Variants in CDH13 observed in about 807,000 individuals in gnomAD.
The protein encoded by CDH13 is cadherin 13, also known as cadherin-13.
Under a neutral mutation model 63.8 loss-of-function variants are expected in CDH13, and 24 were observed. That is an observed-to-expected ratio of 0.38 (90% CI 0.27 to 0.53). The LOEUF (loss-of-function observed/expected upper bound fraction) is 0.53. Among genes scored for constraint, CDH13 ranks in the 20% least tolerant of loss-of-function variants. CDH13 has a pLI of 0.85. For synonymous variants in CDH13, 503 were observed against 355.3 expected (o/e 1.42, Z -4.67); for missense variants, 1,049 against 903.1 (o/e 1.16, Z -2.07).
In CDH13 at chr16:83,186,195, C is replaced by T. The variant is rs138651134; in HGVS notation, c.484-31150C>T. ...ATGTCACCAGGCTGGAGTGCAGTGG[C>T]GTGATCTCGGATCACTGCAGCCAAC... On this transcript the variant is annotated intron_variant, in intron 4 of 13. Coordinates refer to ENST00000567109, the MANE Select transcript of CDH13 (RefSeq NM_001257.5). Among the ~76,000 whole-genome samples the T allele has an allele frequency of 9.9e-3, 1,487 of 149,948 alleles. 27 individuals are homozygous for T. Among genetic ancestry groups the T allele is most frequent in the African/African-American group, 0.035 (1,419 of 40,828 alleles).
At chr16:82,699,526 A>G (rs1567640461) in intron 1 of CDH13, among the ~76,000 whole-genome samples, 4 of 152,156 alleles carry the variant, frequency 2.6e-5, no homozygotes, top group African/African-American at 9.7e-5. Flanking sequence ...GCCACCCTTA[A>G]TGCGTGTCAT....
At chr16:83,023,417 C>A (rs567751214) in intron 2 of CDH13, among the ~76,000 whole-genome samples, 4 of 151,952 alleles carry the variant, frequency 2.6e-5, no homozygotes, top group South Asian at 2.1e-4. Context: ...ATATTTTTTG[C>A]CTTCCAGAAG....
chr16:83,243,155 A>G (rs1355082023), intron 5 of CDH13, among the ~76,000 whole-genome samples: 3 of 152,154 alleles, frequency 2.0e-5, no homozygotes, highest in Admixed American at 1.3e-4. Context: ...GCCTCGTACC[A>G]GGGCCTCGAG....
chr16:83,288,641 C>T (rs1271583773), intron 5 of CDH13, among the ~76,000 whole-genome samples: 1 of 152,096 alleles, frequency 6.6e-6, no homozygotes, highest in Admixed American at 6.5e-5. Context: ...AGCTTGTGTC[C>T]CCAAGACTTG....
At chr16:82,662,808 A>AT (rs1486255304) in intron 1 of CDH13, among the ~76,000 whole-genome samples, 1 of 152,142 alleles carries the variant, frequency 6.6e-6, no homozygotes, top group Non-Finnish European at 1.5e-5. Flanking sequence ...CTTCTCTGCC[A>AT]TTTAGAAGAT....
intron 6 of CDH13, among the ~76,000 whole-genome samples, chr16:83,376,982 T>C (rs867204496): frequency 1.3e-5 from 2 of 152,042 alleles, no homozygotes; most frequent in Non-Finnish European, 2.9e-5. Context: ...GAAAGGGCCT[T>C]GAAGGATGAC....
chr16:82,982,869 A>G (rs1400661340), intron 2 of CDH13, among the ~76,000 whole-genome samples: 1 of 152,180 alleles, frequency 6.6e-6, no homozygotes, highest in African/African-American at 2.4e-5. Flanking sequence ...TTTCAGTGAG[A>G]AGAAGTAAAT....
chr16:83,394,264 A>C (rs895073674), intron 6 of CDH13, among the ~76,000 whole-genome samples: 1 of 152,176 alleles, frequency 6.6e-6, no homozygotes, highest in African/African-American at 2.4e-5. Context: ...AAAAAAACAA[A>C]AAAGAGTGAA....
intron 11 of CDH13, among the ~76,000 whole-genome samples, chr16:83,770,716 G>A (rs913636296): frequency 1.2e-4 from 18 of 152,182 alleles, no homozygotes; most frequent in Admixed American, 2.0e-4. Context: ...CATGGCATTT[G>A]TAAACTGTCA....
intron 6 of CDH13, among the ~76,000 whole-genome samples, chr16:83,413,461 C>T (rs1363504571): frequency 3.9e-5 from 6 of 152,328 alleles, no homozygotes; most frequent in Non-Finnish European, 7.3e-5. Flanking sequence ...AACTAATCAT[C>T]CCTTTGCTGA....
At chr16:82,649,013 G>A (rs1567589005) in intron 1 of CDH13, among the ~76,000 whole-genome samples, 1 of 152,086 alleles carries the variant, frequency 6.6e-6, no homozygotes, top group Admixed American at 6.6e-5. Flanking sequence ...AGAGAAAAGT[G>A]CCAGAAATGA....
At chr16:83,431,930 T>A (rs1038924132) in intron 6 of CDH13, among the ~76,000 whole-genome samples, 2 of 152,186 alleles carry the variant, frequency 1.3e-5, no homozygotes, top group Non-Finnish European at 2.9e-5. Context: ...CAGTGATACA[T>A]ACGGCCATTG....
At chr16:83,393,221 C>T (rs2091822264) in intron 6 of CDH13, among the ~76,000 whole-genome samples, 1 of 152,090 alleles carries the variant, frequency 6.6e-6, no homozygotes, top group African/African-American at 2.4e-5. Context: ...GAAATGCCAC[C>T]TTTGGGTGGG....
At chr16:83,326,448 T>C (rs936525514) in intron 5 of CDH13, among the ~76,000 whole-genome samples, 7 of 151,994 alleles carry the variant, frequency 4.6e-5, no homozygotes, top group African/African-American at 1.2e-4. Flanking sequence ...TTTTTAACTT[T>C]TGAATGAGAA....
At chr16:83,040,547 G>C (rs1917243266) in intron 3 of CDH13, among the ~76,000 whole-genome samples, 1 of 152,150 alleles carries the variant, frequency 6.6e-6, no homozygotes, top group Non-Finnish European at 1.5e-5. Flanking sequence ...TCCAACATGG[G>C]AGAAAGATGG....
At chr16:83,194,407 A>G (rs1234202651) in intron 4 of CDH13, among the ~76,000 whole-genome samples, 1 of 152,206 alleles carries the variant, frequency 6.6e-6, no homozygotes, top group Non-Finnish European at 1.5e-5. Flanking sequence ...CTGTCTCCCC[A>G]TGGAATGCTG....
intron 1 of CDH13, among the ~76,000 whole-genome samples, chr16:82,856,249 G>C (rs1243552142): frequency 6.6e-6 from 1 of 151,566 alleles, no homozygotes; most frequent in African/African-American, 2.4e-5. Context: ...GGTGGCGGGC[G>C]CCTGTAGTCC....
At chr16:83,132,605 A>G (rs2036107128) in intron 4 of CDH13, among the ~76,000 whole-genome samples, 1 of 151,806 alleles carries the variant, frequency 6.6e-6, no homozygotes, top group Non-Finnish European at 1.5e-5. Context: ...CACCACGCCC[A>G]GCTAATTTTT....
intron 3 of CDH13, among the ~76,000 whole-genome samples, chr16:83,054,076 G>A (rs995702511): frequency 4.6e-5 from 7 of 152,080 alleles, no homozygotes; most frequent in Admixed American, 2.6e-4. Context: ...CATACTGTAC[G>A]GGTTTATAGC....
Sources: allele counts gnomAD v4.1 joint callset (sites outside exome capture counted in the v4.1 genomes callset), GRCh38; gene constraint gnomAD v4.1.1; transcripts MANE v1.5; gene names NCBI Gene and HGNC (gene_info 2026-07-23, HGNC 2026-07-21).